ARGFX: variants seen among roughly 807,000 people sequenced by gnomAD.
ARGFX encodes the protein arginine-fifty homeobox.
ARGFX carries 10 observed loss-of-function variants against 8.0 expected under a neutral mutation model. That is an observed-to-expected ratio of 1.25 (90% confidence interval 0.77 to 2.12). The LOEUF is 2.12. Among genes scored for constraint, ARGFX ranks in the 30% most tolerant of loss-of-function variants. The probability of loss-of-function intolerance (pLI) is 0.00; values close to 1 mark genes in which losing one functional copy is unlikely to be tolerated. For synonymous variants in ARGFX, 116 were observed against 117.8 expected, an observed-to-expected ratio of 0.98 and a Z score of 0.10; for missense variants, 282 against 324.3, an observed-to-expected ratio of 0.87 and a Z score of 1.00.
At chr3:121,570,960 G>T in intron 2 of ARGFX, 144 bp downstream of exon 2, 1 of 559,548 alleles carries the variant, frequency 1.8e-6, no homozygotes, top group Admixed American at 4.1e-5. Context: ...CATAAAAGGA[G>T]AAATACATTT....
At chr3:121,585,917 TAG>T in intron 4 of ARGFX, 103 bp from the exon 5 acceptor site, 1 of 1,095,440 alleles carries the variant, frequency 9.1e-7, no homozygotes, top group Non-Finnish European at 1.3e-6. Context: ...CATGGTGAAT[TAG>T]AGAGGACATG....
Position 121,588,115 on chromosome 3 carries a change from T to C in ARGFX, c.*1515T>C, listed in dbSNP as rs1416581211. 6.6e-6 allele frequency among the ~76,000 whole-genome samples: 1 copy of C among 151,926 alleles called. No individual in the cohort carries two copies. The highest frequency in any genetic ancestry group is 1.5e-5 in the Non-Finnish European group (1 of 68,014). ...AAACTTTTAGAATGACAAGTTAGCA[T>C]ATTTTCCAGCCACATGATCAACCTA... On this transcript the variant is annotated 3_prime_UTR_variant, in exon 5 of 5. Transcript: ENST00000334384.
chr3:121,588,311 C>CAAA lies in ARGFX; in HGVS notation c.*1729_*1731dup, dbSNP rs756800220. 4.1e-4 allele frequency among the ~76,000 whole-genome samples: 21 copies of CAAA among 51,490 alleles called. No individual in the cohort carries two copies. The highest frequency in any genetic ancestry group is 8.4e-4 in the Non-Finnish European group (19 of 22,722). The allele number at this position is 51,490 out of a possible 152,430, so 33.8% of individuals were successfully genotyped here. On this transcript the variant is annotated 3_prime_UTR_variant, in exon 5 of 5. Transcript: ENST00000334384. ...TGAAATCCCGTCTCTACTAAAAATA[C>CAAA]AAAAAAAAAAAAAAAAAAAAGCCAG...
chr3:121,576,739 CTTTCTTTTTCTCTT>C (rs1333487258), intron 2 of ARGFX, 31 bp from the exon 3 acceptor site: 6 of 269,464 alleles, frequency 2.2e-5, no homozygotes. Flanking sequence ...TTCTTTCTTT[CTTTCTTTTTCTCTT>C]TCTTTCTTTC....
At chr3:121,580,466 A>G (rs16832400) in intron 3 of ARGFX, among the ~76,000 whole-genome samples, 9,525 of 151,824 alleles carry the variant, frequency 0.063, 1,018 homozygotes, top group East Asian at 0.54. Flanking sequence ...TATCAGTTCC[A>G]TTCTACTGCC....
chr3:121,585,145 C>T, intron 4 of ARGFX, 80 bp downstream of exon 4: 1 of 1,458,246 alleles, frequency 6.9e-7, no homozygotes, highest in South Asian at 1.3e-5. Flanking sequence ...CCACCCTCTA[C>T]CCCTGCCCCA....
intron 3 of ARGFX, among the ~76,000 whole-genome samples, chr3:121,582,793 T>C (rs1401554359): frequency 1.3e-5 from 2 of 151,954 alleles, no homozygotes; most frequent in South Asian, 2.1e-4. Flanking sequence ...ATAGCCTTGA[T>C]CTCCTGGGTT....
intron 2 of ARGFX, among the ~76,000 whole-genome samples, chr3:121,571,888 G>A (rs1163138179): frequency 6.6e-6 from 1 of 151,338 alleles, no homozygotes; most frequent in African/African-American, 2.4e-5. Flanking sequence ...GAGTGCAATG[G>A]TGCGATCTCA....
chr3:121,581,699 G>C (rs1313005457), intron 3 of ARGFX, among the ~76,000 whole-genome samples: 1 of 152,110 alleles, frequency 6.6e-6, no homozygotes, highest in Non-Finnish European at 1.5e-5. Flanking sequence ...CCAGGGGTTT[G>C]AGACCAGCCT....
At position 121,588,250 on chromosome 3, in the gene ARGFX, G is replaced by A. The variant is rs1213936666; in HGVS notation, c.*1650G>A. ...TGGGAGGCCGAGGCGGGCGGATCAC[G>A]AGGTCAGGAGATTGAGACCAGCCTG... On this transcript the variant is annotated 3_prime_UTR_variant, in exon 5 of 5. Transcript: ENST00000334384. Among the ~76,000 whole-genome samples the A allele has an allele frequency of 2.2e-4, 32 of 147,354 alleles. No individual in the cohort carries two copies. The highest frequency in any genetic ancestry group is 3.7e-4 in the Non-Finnish European group (25 of 67,126).
At chr3:121,571,122 G>T (rs1301946683) in intron 2 of ARGFX, among the ~76,000 whole-genome samples, 5 of 152,172 alleles carry the variant, frequency 3.3e-5, no homozygotes, top group African/African-American at 1.2e-4. Flanking sequence ...TCCAAGGCAG[G>T]TATATTGTGG....
chr3:121,586,526 T>G lies in ARGFX; in HGVS notation c.874T>G (p.Phe292Val), dbSNP rs2048814104. Reference sequence around the variant, plus strand: ...CTGGCCCAATATGACAAGCCAAGCCTTTGAAGCCTACAGTCTAACAGATAG... The same window carrying G: ...CTGGCCCAATATGACAAGCCAAGCCGTTGAAGCCTACAGTCTAACAGATAG... ...QTWPNMTSQAFEAYSLTDSLE... is the reference protein window; with the variant it reads ...QTWPNMTSQAVEAYSLTDSLE... The change falls in exon 5 of 5, where the codon TTT becomes GTT. Residue 292 changes from phenylalanine to valine, a missense_variant. Phe to Val is a conservative substitution (Grantham distance 50, BLOSUM62 -1). Coordinates refer to ENST00000334384, the MANE Select transcript of ARGFX (RefSeq NM_001012659.2). The G allele has an allele frequency of 1.2e-6, 2 of 1,614,164 alleles. No homozygotes were observed. The highest frequency in any genetic ancestry group is 1.7e-6 in the Non-Finnish European group (2 of 1,180,030).
chr3:121,576,707 T>TTTTC (rs200520122), intron 2 of ARGFX, 77 bp from the exon 3 acceptor site: 8,320 of 248,884 alleles, frequency 0.033, 185 homozygotes, highest in African/African-American at 0.044. Flanking sequence ...CTTTCTTTCT[T>TTTTC]TTTCTTTCTT....
intron 3 of ARGFX, 89 bp from the exon 4 acceptor site, chr3:121,584,828 T>C (rs2048801599): frequency 7.0e-7 from 1 of 1,430,736 alleles, no homozygotes; most frequent in African/African-American, 1.4e-5. Flanking sequence ...TTCACCATGG[T>C]GATTTGTTTT....
At chr3:121,580,567 A>AGTGT (rs143363410) in intron 3 of ARGFX, among the ~76,000 whole-genome samples, 6,699 of 128,002 alleles carry the variant, frequency 0.052, 244 homozygotes, top group South Asian at 0.064. Flanking sequence ...TATAAAGAAA[A>AGTGT]GTGTGTGTGT....
Position 121,582,899 on chromosome 3 carries a change from T to C in ARGFX, c.221-2018T>C, listed in dbSNP as rs192692474. ...TTAAACATTTTCTGTAGAGACAGGG[T>C]CTCATTATATTTCTCAGGCTGGTCT... On this transcript the variant is annotated intron_variant, in intron 3 of 4. Transcript: ENST00000334384. 4.1e-4 allele frequency among the ~76,000 whole-genome samples: 62 copies of C among 151,890 alleles called. 1 individual carries two copies. In the East Asian group the frequency reaches 6.6e-3, roughly 16 times the overall value.
chr3:121,586,180 C>A lies in ARGFX; in HGVS notation c.528C>A (p.Tyr176Ter). ...TTTCTCCTGTGATTTCAGATTTCTA[C>A]AGCTCCCTTCCATCTCAGCCCTTAG... ...YAFSPVISDF[Y>*]SSLPSQPLDP... is the part of the protein sequence containing the mutation. The change falls in exon 5 of 5, where the codon TAC becomes TAA. Residue 176 changes from tyrosine to a stop codon, truncating the protein, a stop_gained. Transcript: ENST00000334384. LOFTEE classifies it low-confidence loss of function (END_TRUNC). 1.9e-6 allele frequency: 3 copies of A among 1,614,034 alleles called. No homozygotes were observed. Among genetic ancestry groups the A allele is most frequent in the Non-Finnish European group, 2.5e-6 (3 of 1,179,992 alleles).
chr3:121,586,055 A>AAGC lies in ARGFX; in HGVS notation c.417_419dup (p.Gln140dup), dbSNP rs780223468. 12 of 1,587,832 alleles carry AAGC rather than the reference A, an allele frequency of 7.6e-6. No individual in the cohort carries two copies. Among genetic ancestry groups the AAGC allele is most frequent in the African/African-American group, 5.4e-5 (4 of 73,788 alleles). The stretch of plus-strand genomic sequence containing the variant: ...CAGGAACCGGCGATTCAAATTGAAG[A>AAGC]AGCAGCAGCAGCAGCAATCAGCAAA... On this transcript the variant is annotated inframe_insertion, in exon 5 of 5. Transcript: ENST00000334384.
intron 2 of ARGFX, among the ~76,000 whole-genome samples, chr3:121,571,751 T>G: frequency 6.8e-6 from 1 of 146,314 alleles, no homozygotes; most frequent in African/African-American, 2.5e-5. Flanking sequence ...TTTTTTTTTT[T>G]TTTTGTATTT....
Sources: allele counts gnomAD v4.1 joint callset (sites outside exome capture counted in the v4.1 genomes callset), GRCh38; gene constraint gnomAD v4.1.1; transcripts MANE v1.5; gene names NCBI Gene and HGNC (gene_info 2026-07-23, HGNC 2026-07-21).